Variants in KLHL3 observed in about 807,000 individuals in gnomAD.
KLHL3 encodes the protein kelch like family member 3, also known as kelch-like protein 3.
Under a neutral mutation model 70.5 loss-of-function variants are expected in KLHL3, and 19 were observed. That is an observed-to-expected ratio of 0.27 (90% confidence interval 0.19 to 0.40). KLHL3 has a LOEUF of 0.40. Ranked by LOEUF, KLHL3 falls within the 10% of genes least tolerant of loss-of-function variation. The pLI, the probability that KLHL3 is intolerant of heterozygous loss-of-function variation, is 1.00. For synonymous variants in KLHL3, 258 were observed against 290.3 expected, an observed-to-expected ratio of 0.89 and a Z score of 1.13; for missense variants, 512 against 771.1, an observed-to-expected ratio of 0.66 and a Z score of 3.98.
At chr5:137,693,583 C>T (rs1396696758) in intron 4 of KLHL3, among the ~76,000 whole-genome samples, 2 of 152,204 alleles carry the variant, frequency 1.3e-5, no homozygotes, top group East Asian at 3.9e-4. Context: ...ATGGAAGCAG[C>T]AGGTAGTCTG....
chr5:137,698,027 C>T (rs1278647966), intron 4 of KLHL3, among the ~76,000 whole-genome samples: 1 of 152,198 alleles, frequency 6.6e-6, no homozygotes, highest in Non-Finnish European at 1.5e-5. Context: ...ATCTTCTACT[C>T]CCGGGGCCCA....
Position 137,620,256 on chromosome 5 carries a change from CTTG to C in KLHL3, c.*1839_*1841del, listed in dbSNP as rs1185805591. 6.6e-6 allele frequency: 1 copy of C among 152,214 alleles called. No homozygotes were observed. Among genetic ancestry groups the C allele is most frequent in the African/African-American group, 2.4e-5 (1 of 41,450 alleles). 9.4% of individuals were successfully genotyped at this position (152,214 alleles called of 1,614,324 possible). A position where few individuals can be genotyped will look rare whatever the true frequency, so the allele number is the denominator to read the frequency against. On this transcript the variant is annotated 3_prime_UTR_variant, in exon 15 of 15. Coordinates refer to ENST00000309755, the MANE Select transcript of KLHL3 (RefSeq NM_017415.3). Reference sequence around the variant, plus strand: ...GGGTACCTTGTTGTTCTCCAAGCATCTTGTTGAAGTAACATGTGCTTAACATCA... The same window carrying C: ...GGGTACCTTGTTGTTCTCCAAGCATCTTGAAGTAACATGTGCTTAACATCA...
intron 8 of KLHL3, among the ~76,000 whole-genome samples, chr5:137,656,112 T>C (rs1277569452): frequency 6.6e-6 from 1 of 151,266 alleles, no homozygotes; most frequent in African/African-American, 2.4e-5. Flanking sequence ...CCGATAATCA[T>C]ATGAAATCAA....
chr5:137,662,262 C>T (rs1751499618), intron 6 of KLHL3, among the ~76,000 whole-genome samples: 1 of 151,224 alleles, frequency 6.6e-6, no homozygotes, highest in African/African-American at 2.4e-5. Context: ...CACACACACA[C>T]ACACACACAC....
intron 3 of KLHL3, chr5:137,706,470 C>T: frequency 1.3e-6 from 1 of 747,348 alleles, no homozygotes; most frequent in Non-Finnish European, 1.6e-6. Context: ...TAAGCTGGTA[C>T]AACTGTTCTT....
intron 5 of KLHL3, among the ~76,000 whole-genome samples, chr5:137,681,791 A>C (rs1316565419): frequency 6.6e-6 from 1 of 152,154 alleles, no homozygotes; most frequent in African/African-American, 2.4e-5. Context: ...GTTAATTAAG[A>C]GTTCTGGTTA....
chr5:137,723,247 G>A (rs972800216), intron 1 of KLHL3, among the ~76,000 whole-genome samples: 2 of 152,166 alleles, frequency 1.3e-5, no homozygotes, highest in Admixed American at 6.5e-5. Context: ...TTTTTGAGAA[G>A]TGTCTTCACT....
intron 7 of KLHL3, among the ~76,000 whole-genome samples, chr5:137,658,526 CT>C (rs1297206781): frequency 2.0e-5 from 3 of 152,234 alleles, no homozygotes; most frequent in African/African-American, 7.2e-5. Context: ...GTTTCCTCAT[CT>C]GTAAAATGGG....
chr5:137,680,850 C>T (rs1752007739), intron 5 of KLHL3, among the ~76,000 whole-genome samples: 1 of 152,052 alleles, frequency 6.6e-6, no homozygotes, highest in South Asian at 2.1e-4. Flanking sequence ...GGCAGCACCA[C>T]TCTTTAACAG....
chr5:137,688,612 T>C (rs1348845667), intron 5 of KLHL3, among the ~76,000 whole-genome samples: 3 of 152,164 alleles, frequency 2.0e-5, no homozygotes, highest in African/African-American at 2.4e-5. Context: ...TCACAGGGCA[T>C]CCTTATGTCC....
chr5:137,632,227 C>T (rs1470027490), intron 12 of KLHL3, among the ~76,000 whole-genome samples: 3 of 152,070 alleles, frequency 2.0e-5, no homozygotes, highest in Non-Finnish European at 4.4e-5. Context: ...AGAACAAAGT[C>T]AGAAGTATCA....
At chr5:137,686,314 GC>G (rs1752160729) in intron 5 of KLHL3, among the ~76,000 whole-genome samples, 1 of 152,180 alleles carries the variant, frequency 6.6e-6, no homozygotes, top group South Asian at 2.1e-4. Context: ...GATGAGGCTG[GC>G]AGGGAGGCTC....
intron 4 of KLHL3, among the ~76,000 whole-genome samples, chr5:137,697,094 G>A (rs11741140): frequency 0.15 from 22,360 of 151,714 alleles, 2,156 homozygotes; most frequent in Middle Eastern, 0.22. Context: ...GTGAGCAACC[G>A]CCTCAGCAGA....
intron 5 of KLHL3, among the ~76,000 whole-genome samples, chr5:137,682,403 T>TAGAGAGAGAGAGAGAGAGAGAGAGAGAG (rs10578622): frequency 0.013 from 1,682 of 133,284 alleles, 47 homozygotes; most frequent in South Asian, 0.022. Context: ...GTGCTGGACA[T>TAGAGAGAGAGAGAGAGAGAGAGAGAGAG]AGAGAGAGAG....
At chr5:137,712,784 A>G (rs1283347960) in intron 2 of KLHL3, among the ~76,000 whole-genome samples, 1 of 152,162 alleles carries the variant, frequency 6.6e-6, no homozygotes, top group East Asian at 1.9e-4. Context: ...AAGCCTCTCA[A>G]ACCTCTGTCC....
intron 12 of KLHL3, 87 bp from the exon 13 acceptor site, chr5:137,628,524 T>G (rs1750541970): frequency 1.3e-6 from 2 of 1,501,480 alleles, no homozygotes; most frequent in African/African-American, 2.8e-5. Context: ...TGGACAGCCC[T>G]GACCAGTGAG....
At chr5:137,667,778 AGACGCTAATTTT>A (rs1460516102) in intron 6 of KLHL3, among the ~76,000 whole-genome samples, 2 of 152,354 alleles carry the variant, frequency 1.3e-5, no homozygotes, top group Admixed American at 6.5e-5. Context: ...AAGAAGAGAA[AGACGCTAATTTT>A]GACAATATCA....
In KLHL3 at chr5:137,677,661, C is replaced by CAA. The variant is rs112292887; in HGVS notation, c.527-9_527-8dup. On this transcript the variant is annotated splice_polypyrimidine_tract_variant and splice_region_variant and intron_variant, in intron 5 of 14. Transcript: ENST00000309755. The stretch of plus-strand genomic sequence containing the variant: ...ACCTCTGGAAAGTGCTGCTCTGTTC[C>CAA]AAAAAAAAAAAAAAGAAGTTAAGAA... The CAA allele has an allele frequency of 9.3e-4, 1,150 of 1,241,734 alleles. No individual in the cohort carries two copies. Among genetic ancestry groups the CAA allele is most frequent in the South Asian group, 1.7e-3 (113 of 67,430 alleles). 76.9% of individuals were successfully genotyped at this position (1,241,734 alleles called of 1,614,324 possible). A position where few individuals can be genotyped will look rare whatever the true frequency, so the allele number is the denominator to read the frequency against.
intron 12 of KLHL3, 112 bp from the exon 13 acceptor site, chr5:137,628,549 G>C (rs1475090977): frequency 6.9e-5 from 82 of 1,195,328 alleles, no homozygotes; most frequent in Non-Finnish European, 9.0e-5. Flanking sequence ...CTTGGGGAGT[G>C]CCATTTTGTC....
Sources: allele counts gnomAD v4.1 joint callset (sites outside exome capture counted in the v4.1 genomes callset), GRCh38; gene constraint gnomAD v4.1.1; transcripts MANE v1.5; gene names NCBI Gene and HGNC (gene_info 2026-07-23, HGNC 2026-07-21).